ADARB1: variants seen among roughly 807,000 people sequenced by gnomAD.
The protein encoded by ADARB1 is double-stranded RNA-specific editase 1.
A neutral mutation model predicts 52.4 loss-of-function variants in ADARB1; 10 were observed. That is an observed-to-expected ratio of 0.19 (90% CI 0.12 to 0.32). The LOEUF is 0.32. Ranked by LOEUF, ADARB1 falls within the 10% of genes least tolerant of loss-of-function variation. The pLI is 1.00. For missense variants in ADARB1, 643 were observed against 922.3 expected (o/e 0.70, Z 3.92); for synonymous variants, 349 against 371.1 (o/e 0.94, Z 0.68).
rs2050940546 is a variant in ADARB1, at chr21:45,172,765, A to G, written c.28+1081A>G. Among the ~76,000 whole-genome samples the G allele has an allele frequency of 6.6e-6, 1 of 152,138 alleles. No homozygotes were observed. Among genetic ancestry groups the G allele is most frequent in the Admixed American group, 6.5e-5 (1 of 15,272 alleles). ...CCTCCTGCAGTGCTACCCAGGAACCACGGGACCAGCGTGCTCACCTCACTT... is the reference window on the plus strand; with the variant it reads ...CCTCCTGCAGTGCTACCCAGGAACCGCGGGACCAGCGTGCTCACCTCACTT... On this transcript the variant is annotated intron_variant, in intron 3 of 10. Coordinates refer to ENST00000348831, the MANE Select transcript of ADARB1 (RefSeq NM_001112.4). This position sits in a 1 kb window ranked among gnomAD's most constrained non-coding sequence, Gnocchi z 4.4.
chr21:45,184,186 C>T (rs1322869611), intron 7 of ADARB1, among the ~76,000 whole-genome samples: 2 of 152,168 alleles, frequency 1.3e-5, no homozygotes, highest in Non-Finnish European at 2.9e-5. Flanking sequence ...TTTTACCATA[C>T]TTTCCATGGG....
chr21:45,110,629 T>C (rs374378258), intron 1 of ADARB1, among the ~76,000 whole-genome samples: 15 of 152,230 alleles, frequency 9.9e-5, no homozygotes, highest in African/African-American at 3.6e-4. Context: ...TGTCAATCCT[T>C]TTGGAAATTG....
chr21:45,156,606 T>C (rs1002047923), intron 2 of ADARB1, among the ~76,000 whole-genome samples: 1 of 144,206 alleles, frequency 6.9e-6, no homozygotes, highest in Non-Finnish European at 1.5e-5. Flanking sequence ...CTTCCATCCA[T>C]CCACCCACCC....
At position 45,176,770 on chromosome 21, in the gene ADARB1, C is replaced by A; in HGVS notation, c.963+106C>A. On this transcript the variant is annotated intron_variant, in intron 4 of 10. Transcript: ENST00000348831. This position sits in a 1 kb window ranked among gnomAD's most constrained non-coding sequence, Gnocchi z 5.8. The stretch of plus-strand genomic sequence containing the variant: ...TACTGTTGACTTTCCACCTTGACAT[C>A]ACTCTGTCCCCACCAGGAGGAGTTA... The A allele has an allele frequency of 8.2e-7, 1 of 1,226,396 alleles. No individual in the cohort carries two copies. The highest frequency in any genetic ancestry group is 1.1e-6 in the Non-Finnish European group (1 of 898,452). 76.0% of individuals were successfully genotyped at this position (1,226,396 alleles called of 1,614,324 possible).
chr21:45,204,470 A>G lies in ADARB1; in HGVS notation c.1566-85A>G, dbSNP rs1475098414. On this transcript the variant is annotated intron_variant, in intron 8 of 10. Coordinates refer to ENST00000348831, the MANE Select transcript of ADARB1 (RefSeq NM_001112.4). The surrounding 1 kb of genome is among the most constrained non-coding windows in gnomAD (Gnocchi z 4.4). ...TGGGATCCTGCGGAATTGCCAGTGCATCCCTGTAACCACGCAGGCTTGGGC... is the reference window on the plus strand; with the variant it reads ...TGGGATCCTGCGGAATTGCCAGTGCGTCCCTGTAACCACGCAGGCTTGGGC... 1 of 1,378,454 alleles carries G rather than the reference A, an allele frequency of 7.3e-7. No individual in the cohort carries two copies. The highest frequency in any genetic ancestry group is 1.9e-5 in the Admixed American group (1 of 52,624). 85.4% of individuals were successfully genotyped at this position (1,378,454 alleles called of 1,614,324 possible).
chr21:45,136,760 A>C (rs1418088964), intron 2 of ADARB1, among the ~76,000 whole-genome samples: 3 of 152,246 alleles, frequency 2.0e-5, no homozygotes, highest in Non-Finnish European at 2.9e-5. Context: ...TGTGCGCTGC[A>C]GGGAGAATCC....
intron 1 of ADARB1, among the ~76,000 whole-genome samples, chr21:45,111,393 C>T (rs2087526707): frequency 6.6e-6 from 1 of 152,172 alleles, no homozygotes; most frequent in Non-Finnish European, 1.5e-5. Flanking sequence ...CACACAGGCA[C>T]AGCCTCCCCC....
intron 1 of ADARB1, among the ~76,000 whole-genome samples, chr21:45,082,835 C>T (rs887192356): frequency 1.3e-5 from 2 of 152,210 alleles, no homozygotes; most frequent in Admixed American, 1.3e-4. Flanking sequence ...TTCTGGTCTC[C>T]TTCAGTCTGT....
At position 45,128,057 on chromosome 21, in the gene ADARB1, A is replaced by G. The variant is rs549000845; in HGVS notation, c.-219-345A>G. Among the ~76,000 whole-genome samples, 2 of 152,162 alleles carry G rather than the reference A, an allele frequency of 1.3e-5. No individual in the cohort carries two copies. Among genetic ancestry groups the G allele is most frequent in the African/African-American group, 2.4e-5 (1 of 41,514 alleles). On this transcript the variant is annotated intron_variant, in intron 1 of 10. Coordinates refer to ENST00000348831, the MANE Select transcript of ADARB1 (RefSeq NM_001112.4). The surrounding 1 kb of genome is among the most constrained non-coding windows in gnomAD (Gnocchi z 4.6). The stretch of plus-strand genomic sequence containing the variant: ...TGTGTGCATGTGTAGGGGTGTGTGC[A>G]TATTGAATTGTAAAAAAGATGAGTA...
chr21:45,166,153 AG>A (rs1205498782), intron 2 of ADARB1, among the ~76,000 whole-genome samples: 1 of 152,180 alleles, frequency 6.6e-6, no homozygotes, highest in Non-Finnish European at 1.5e-5. Flanking sequence ...GGGGAGAAAA[AG>A]GGTAGGTATG....
At chr21:45,085,381 C>A (rs528960220) in intron 1 of ADARB1, among the ~76,000 whole-genome samples, 1 of 152,322 alleles carries the variant, frequency 6.6e-6, no homozygotes, top group East Asian at 1.9e-4. Context: ...TGTTAATCTA[C>A]ACATTTCACT....
chr21:45,144,305 C>G (rs1230356170), intron 2 of ADARB1, among the ~76,000 whole-genome samples: 2 of 152,232 alleles, frequency 1.3e-5, no homozygotes, highest in Middle Eastern at 3.4e-3. Flanking sequence ...AATTTTAGAA[C>G]TTTACTCTGA....
intron 2 of ADARB1, among the ~76,000 whole-genome samples, chr21:45,160,696 GGTA>G (rs1162375493): frequency 6.6e-6 from 1 of 152,196 alleles, no homozygotes; most frequent in Non-Finnish European, 1.5e-5. Flanking sequence ...TTGTAAACAA[GGTA>G]GAATTTTATT....
chr21:45,217,476 C>T (rs559551349), intron 9 of ADARB1, among the ~76,000 whole-genome samples: 24 of 152,212 alleles, frequency 1.6e-4, no homozygotes, highest in South Asian at 1.2e-3. Flanking sequence ...AACCTTACAA[C>T]AGGATACTTT....
intron 8 of ADARB1, among the ~76,000 whole-genome samples, chr21:45,197,728 C>T (rs2092458233): frequency 6.6e-6 from 1 of 152,102 alleles, no homozygotes; most frequent in Non-Finnish European, 1.5e-5. Context: ...CAGTGGAGTA[C>T]TACTGGGTGA....
chr21:45,155,983 A>C (rs1456517199), intron 2 of ADARB1, among the ~76,000 whole-genome samples: 2 of 846 alleles, frequency 2.4e-3, no homozygotes, highest in Non-Finnish European at 4.6e-3. Context: ...ACCCACCATC[A>C]CCCATTACCC....
rs1245679426 is a variant in ADARB1 at position 45,200,627 on chromosome 21, G to A, written c.1566-3928G>A. 6.6e-6 allele frequency among the ~76,000 whole-genome samples: 1 copy of A among 152,086 alleles called. No individual in the cohort carries two copies. The highest frequency in any genetic ancestry group is 1.5e-5 in the Non-Finnish European group (1 of 68,010). ...TTTGGGTATGTTCTGATGGAGGTAG[G>A]GGAAGCCAAGATGGGCTCTGCAGAA... On this transcript the variant is annotated intron_variant, in intron 8 of 10. Coordinates refer to ENST00000348831, the MANE Select transcript of ADARB1 (RefSeq NM_001112.4). This position sits in a 1 kb window ranked among gnomAD's most constrained non-coding sequence, Gnocchi z 5.0.
chr21:45,086,548 T>C (rs933547334), intron 1 of ADARB1, among the ~76,000 whole-genome samples: 3 of 152,236 alleles, frequency 2.0e-5, no homozygotes, highest in Non-Finnish European at 4.4e-5. Context: ...TGTTTCCACA[T>C]GTGCCTTGCA....
At chr21:45,134,662 A>G (rs2089257440) in intron 2 of ADARB1, 1 of 449,848 alleles carries the variant, frequency 2.2e-6, no homozygotes, top group South Asian at 1.6e-5. Context: ...GCAGTACAGT[A>G]GAATTTGGGG....
Sources: gnomAD v4.1 joint callset for allele counts (sites outside exome capture counted in the v4.1 genomes callset) on GRCh38, gnomAD v4.1.1 for gene constraint, Gnocchi (gnomAD v3.1) non-coding constraint, MANE v1.5 for transcripts, NCBI Gene and HGNC (gene_info 2026-07-23, HGNC 2026-07-21) for gene names.